Variants in EML5 observed in about 807,000 individuals in gnomAD.
EML5 encodes EMAP like 5.
A neutral mutation model predicts 250.0 loss-of-function variants in EML5; 120 were observed. The ratio of observed to expected loss-of-function variants is 0.48; its 90% CI spans 0.41 to 0.56. The LOEUF (loss-of-function observed/expected upper bound fraction) is 0.56. Among genes scored for constraint, EML5 ranks in the 20% least tolerant of loss-of-function variants. EML5 has a pLI of 0.00. For synonymous variants in EML5, 771 were observed against 806.5 expected, an observed-to-expected ratio of 0.96 and a Z score of 0.75; for missense variants, 2,006 against 2,437.6, an observed-to-expected ratio of 0.82 and a Z score of 3.73.
At chr14:88,721,665 C>T (rs1209203438) in intron 8 of EML5, among the ~76,000 whole-genome samples, 1 of 152,116 alleles carries the variant, frequency 6.6e-6, no homozygotes, top group Non-Finnish European at 1.5e-5. Context: ...ACAAAAAACC[C>T]TAGAAGAAAA....
intron 1 of EML5, among the ~76,000 whole-genome samples, chr14:88,785,343 T>A (rs2094540945): frequency 6.6e-6 from 1 of 152,182 alleles, no homozygotes; most frequent in Non-Finnish European, 1.5e-5. Context: ...GCAACTGGAT[T>A]CTTTGTAATA....
In EML5 at chr14:88,700,449, C is replaced by G. The variant is rs188898689; in HGVS notation, c.2238+1997G>C. Reference sequence around the variant, plus strand: ...GAATCAAAACAGTAGATGGACAAACCAGGAGCATCCCTGAGTTATTTTCAG... The same window carrying G: ...GAATCAAAACAGTAGATGGACAAACGAGGAGCATCCCTGAGTTATTTTCAG... On this transcript the variant is annotated intron_variant, in intron 14 of 43. Transcript: ENST00000554922. 1.8e-3 allele frequency among the ~76,000 whole-genome samples: 270 copies of G among 152,192 alleles called. 2 individuals carry two copies. Among genetic ancestry groups the G allele is most frequent in the South Asian group, 5.2e-3 (25 of 4,820 alleles).
chr14:88,630,154 C>T (rs1372355456), intron 33 of EML5, among the ~76,000 whole-genome samples: 2 of 151,038 alleles, frequency 1.3e-5, no homozygotes, highest in African/African-American at 4.9e-5. Context: ...CCTCAGCCTC[C>T]AGAGTAGCTG....
chr14:88,653,121 C>T (rs142468473), intron 27 of EML5, among the ~76,000 whole-genome samples: 1,564 of 152,224 alleles, frequency 0.01, 25 homozygotes, highest in African/African-American at 0.036. Context: ...TAGAGGAATG[C>T]TTGTGATTTT....
chr14:88,641,791 C>T (rs947266751), intron 31 of EML5, among the ~76,000 whole-genome samples: 1 of 151,974 alleles, frequency 6.6e-6, no homozygotes, highest in African/African-American at 2.4e-5. Context: ...CTCCATCTGC[C>T]CTCTCTCTAG....
At chr14:88,659,992 C>T (rs1283672890) in intron 25 of EML5, among the ~76,000 whole-genome samples, 2 of 152,006 alleles carry the variant, frequency 1.3e-5, no homozygotes, top group African/African-American at 4.8e-5. Context: ...GAAATAAATG[C>T]TGCCAGATAA....
chr14:88,679,862 CTAGTGTATAGAA>C (rs2092681124), intron 21 of EML5, among the ~76,000 whole-genome samples: 2 of 152,100 alleles, frequency 1.3e-5, no homozygotes, highest in African/African-American at 4.8e-5. Context: ...ATTACTCAGA[CTAGTGTATAGAA>C]TAGTGTATAG....
At chr14:88,647,384 A>G (rs535387246) in intron 28 of EML5, among the ~76,000 whole-genome samples, 8 of 152,108 alleles carry the variant, frequency 5.3e-5, no homozygotes, top group Admixed American at 5.2e-4. Context: ...AAGAAAAAAA[A>G]GAAAGAAAAA....
intron 3 of EML5, 74 bp from the exon 4 acceptor site, chr14:88,744,165 A>C: frequency 1.9e-6 from 2 of 1,028,788 alleles, no homozygotes; most frequent in South Asian, 3.6e-5. Context: ...AAAAGACCAA[A>C]TGGCCCAAAC....
intron 1 of EML5, among the ~76,000 whole-genome samples, chr14:88,762,670 A>G (rs527336873): frequency 1.3e-5 from 2 of 152,328 alleles, no homozygotes; most frequent in African/African-American, 4.8e-5. Context: ...CCTAACAGAC[A>G]TTGACAGAAC....
chr14:88,786,077 C>T (rs61982736), intron 1 of EML5, among the ~76,000 whole-genome samples: 26,201 of 152,076 alleles, frequency 0.17, 3,016 homozygotes, highest in African/African-American at 0.32. Context: ...TACTGGCATT[C>T]TGCTTCAGGG....
intron 1 of EML5, among the ~76,000 whole-genome samples, chr14:88,759,689 A>AAAAAAAAAAAAAAC (rs2094209914): frequency 1.4e-5 from 2 of 146,378 alleles, no homozygotes; most frequent in African/African-American, 5.5e-5. Context: ...ATCTCTTAAA[A>AAAAAAAAAAAAAAC]AAAAAAAAAA....
chr14:88,754,798 G>T, intron 1 of EML5, 127 bp from the exon 2 acceptor site: 1 of 876,758 alleles, frequency 1.1e-6, no homozygotes. Flanking sequence ...AGACAATTTG[G>T]ATTTTTTAAA....
At chr14:88,665,905 C>T (rs2092294136) in intron 21 of EML5, among the ~76,000 whole-genome samples, 1 of 148,862 alleles carries the variant, frequency 6.7e-6, no homozygotes, top group Non-Finnish European at 1.5e-5. Flanking sequence ...GAGACCTTGC[C>T]TCAAAAAAAA....
At position 88,618,794 on chromosome 14, in the gene EML5, C is replaced by A. The variant is rs761974613; in HGVS notation, c.5394G>T (p.Arg1798=). 1.3e-6 allele frequency: 2 copies of A among 1,589,530 alleles called. No individual in the cohort carries two copies. The highest frequency in any genetic ancestry group is 1.7e-6 in the Non-Finnish European group (2 of 1,166,428). ...IHDIRFSPDS[R]YLAVGSSENS... ...TCTCACTAGAACCTACTGCCAGATA[C>A]CGGGAATCCGGACTAAATCTGAATC... The change falls in exon 40 of 44, where the codon CGG becomes CGT. Residue 1798 remains arginine, a synonymous_variant. Coordinates refer to ENST00000554922, the MANE Select transcript of EML5 (RefSeq NM_183387.3).
chr14:88,786,314 A>T lies in EML5; in HGVS notation c.197+5993T>A, dbSNP rs760000856. Among the ~76,000 whole-genome samples, 5 of 152,122 alleles carry T rather than the reference A, an allele frequency of 3.3e-5. No individual in the cohort carries two copies. In the South Asian group the frequency reaches 1.0e-3, roughly 31 times the overall value. On this transcript the variant is annotated intron_variant, in intron 1 of 43. Transcript: ENST00000554922. The stretch of plus-strand genomic sequence containing the variant: ...TACATGCATATATAAAAATTTACAC[A>T]CATATATAAAATTTACCTTCTTTAT...
intron 2 of EML5, 28 bp from the exon 3 acceptor site, chr14:88,746,311 G>C: frequency 6.4e-7 from 1 of 1,557,300 alleles, no homozygotes; most frequent in Non-Finnish European, 8.8e-7. Context: ...AGTCCAGGAA[G>C]GAATAAAAAG....
In EML5 at chr14:88,687,366, A is replaced by G. The variant is rs201785678; in HGVS notation, c.2743-39T>C. The G allele has an allele frequency of 1.3e-4, 176 of 1,398,990 alleles. No individual in the cohort carries two copies. In the African/African-American group the frequency reaches 2.4e-3, roughly 19 times the overall value. 86.7% of individuals were successfully genotyped at this position (1,398,990 alleles called of 1,614,324 possible). A position where few individuals can be genotyped will look rare whatever the true frequency, so the allele number is the denominator to read the frequency against. ...AAGGTTCAAGTTAATAAAGATCTAA[A>G]TATTTTTTAAAATAGTAACCTTTTT... On this transcript the variant is annotated intron_variant, in intron 18 of 43. Coordinates refer to ENST00000554922, the MANE Select transcript of EML5 (RefSeq NM_183387.3).
At chr14:88,698,934 C>T (rs1451398625) in intron 14 of EML5, among the ~76,000 whole-genome samples, 2 of 152,054 alleles carry the variant, frequency 1.3e-5, no homozygotes, top group Non-Finnish European at 2.9e-5. Context: ...CAGATAACAT[C>T]CTTATTTTAA....
Sources: gnomAD v4.1 joint callset for allele counts (sites outside exome capture counted in the v4.1 genomes callset) on GRCh38, gnomAD v4.1.1 for gene constraint, MANE v1.5 for transcripts, NCBI Gene and HGNC (gene_info 2026-07-23, HGNC 2026-07-21) for gene names.